The following TLN2 variants were observed in gnomAD, a reference collection of about 807,000 sequenced individuals.
TLN2 encodes the protein talin 2, also known as talin-2.
A neutral mutation model predicts 294.7 loss-of-function variants in TLN2; 118 were observed. The observed-to-expected ratio is 0.40, with a 90% CI of 0.34 to 0.47. The LOEUF (loss-of-function observed/expected upper bound fraction) is 0.47. Ranked by LOEUF, TLN2 falls within the 20% of genes least tolerant of loss-of-function variation. The pLI is 0.84. For synonymous variants in TLN2, 1,431 were observed against 1,304.5 expected (o/e 1.10, Z -2.09); for missense variants, 3,083 against 3,282.2 (o/e 0.94, Z 1.48).
At chr15:62,500,090 A>G (rs2039229281) in intron 1 of TLN2, among the ~76,000 whole-genome samples, 1 of 151,756 alleles carries the variant, frequency 6.6e-6, no homozygotes, top group Admixed American at 6.6e-5. Flanking sequence ...TAATCTCAGC[A>G]CTGTGGGAGG....
At chr15:62,763,204 G>A (rs1242554048) in intron 39 of TLN2, 3 of 169,082 alleles carry the variant, frequency 1.8e-5, no homozygotes, top group Non-Finnish European at 3.7e-5. Context: ...TGGAAGCAGT[G>A]CTGACCTTTT....
chr15:62,699,027 A>G (rs1323989399), intron 16 of TLN2, among the ~76,000 whole-genome samples, 160 bp downstream of exon 16: 1 of 152,170 alleles, frequency 6.6e-6, no homozygotes, highest in African/African-American at 2.4e-5. Flanking sequence ...AGTTGCACCC[A>G]TAGGAGGAGA....
intron 1 of TLN2, among the ~76,000 whole-genome samples, chr15:62,491,396 A>AC (rs2038720176): frequency 3.1e-5 from 4 of 127,092 alleles, no homozygotes; most frequent in Non-Finnish European, 6.5e-5. Flanking sequence ...ACACACACAC[A>AC]TTTATATAAG....
Position 62,797,237 on chromosome 15 carries a change from G to T in TLN2, c.6069G>T (p.Thr2023=). 1 of 1,613,956 alleles carries T rather than the reference G, an allele frequency of 6.2e-7. No homozygotes were observed. The highest frequency in any genetic ancestry group is 8.5e-7 in the Non-Finnish European group (1 of 1,179,998). ...CTCTCAGGGAGAACATTCTCAAGAC[G>T]GCCAAGGCCTTGGTAGAAGACACGA... is the stretch of plus-strand genomic sequence containing the variant. ...FADHRENILK[T]AKALVEDTKL... The change falls in exon 48 of 59, where the codon ACG becomes ACT. Residue 2023 remains threonine (T), a synonymous_variant. Transcript: ENST00000636159.
chr15:62,796,613 G>A (rs1181162472), intron 47 of TLN2, among the ~76,000 whole-genome samples: 1 of 152,212 alleles, frequency 6.6e-6, no homozygotes, highest in African/African-American at 2.4e-5. Flanking sequence ...ATTGGGAATG[G>A]CAGGGGCAGG....
intron 41 of TLN2, among the ~76,000 whole-genome samples, chr15:62,766,671 A>C (rs563510350): frequency 6.6e-6 from 1 of 152,326 alleles, no homozygotes; most frequent in East Asian, 1.9e-4. Flanking sequence ...GGTTGTGGCC[A>C]GAGATGTAAT....
chr15:62,474,848 C>G (rs2037696354), intron 1 of TLN2, among the ~76,000 whole-genome samples: 1 of 152,008 alleles, frequency 6.6e-6, no homozygotes, highest in Non-Finnish European at 1.5e-5. Flanking sequence ...CTGTGGGTGG[C>G]CTTGCAGCCT....
At chr15:62,728,025 C>G (rs2060529487) in intron 28 of TLN2, among the ~76,000 whole-genome samples, 1 of 152,036 alleles carries the variant, frequency 6.6e-6, no homozygotes, top group African/African-American at 2.4e-5. Flanking sequence ...AAATGGATAC[C>G]TTCATAAGGT....
At chr15:62,684,332 C>G (rs2141036191) in intron 11 of TLN2, among the ~76,000 whole-genome samples, 1 of 152,302 alleles carries the variant, frequency 6.6e-6, no homozygotes, top group African/African-American at 2.4e-5. Context: ...TTGTGCCAAC[C>G]CTGTGTGACT....
chr15:62,647,390 T>C lies in TLN2; in HGVS notation c.80T>C (p.Val27Ala), dbSNP rs775718505. The C allele has an allele frequency of 6.2e-7, 1 of 1,614,130 alleles. No homozygotes were observed. Among genetic ancestry groups the C allele is most frequent in the African/African-American group, 1.3e-5 (1 of 74,940 alleles). Residue 27 changes from valine to alanine, a missense_variant, in exon 4 of 59, where the codon GTG becomes GCG. Val to Ala is a moderately conservative substitution (Grantham distance 64, BLOSUM62 0). Coordinates refer to ENST00000636159, the MANE Select transcript of TLN2 (RefSeq NM_015059.3). ...ATGCAGTTTGAACCATCTACAGCTG[T>C]GTACGATGCGTGTCGAGTCATTCGG... ...KTMQFEPSTA[V>A]YDACRVIRER...
chr15:62,467,439 T>C (rs2037200342), intron 1 of TLN2, among the ~76,000 whole-genome samples: 1 of 152,182 alleles, frequency 6.6e-6, no homozygotes, highest in Non-Finnish European at 1.5e-5. Context: ...ACGCCTGTAA[T>C]CCCAGCACTT....
At chr15:62,479,729 G>T (rs1371466376) in intron 1 of TLN2, among the ~76,000 whole-genome samples, 1 of 152,088 alleles carries the variant, frequency 6.6e-6, no homozygotes, top group African/African-American at 2.4e-5. Flanking sequence ...CAAGTGATCC[G>T]CCTGCCTCAG....
At chr15:62,603,432 G>T (rs1323579539) in intron 2 of TLN2, among the ~76,000 whole-genome samples, 2 of 149,678 alleles carry the variant, frequency 1.3e-5, no homozygotes, top group South Asian at 4.2e-4. Flanking sequence ...TTCTGTAGTG[G>T]CATAGAGAGA....
chr15:62,470,142 CCACT>C (rs1307813212), intron 1 of TLN2, among the ~76,000 whole-genome samples: 1 of 152,218 alleles, frequency 6.6e-6, no homozygotes, highest in Non-Finnish European at 1.5e-5. Context: ...TGCCCCTTTC[CCACT>C]GAGACTGCAC....
rs1202557594 is a variant in TLN2 at position 62,752,396 on chromosome 15, C to T, written c.4301C>T (p.Ala1434Val). Reference protein sequence around the residue: ...FGECVGIASKALCGLTEAAAQ... With the variant: ...FGECVGIASKVLCGLTEAAAQ... ...GAATGTGTGGGGATTGCATCCAAGG[C>T]TCTCTGTGGGCTGACAGAGGCTGCA... is the stretch of plus-strand genomic sequence containing the variant. The change falls in exon 35 of 59, where the codon GCT (alanine) becomes GTT (valine). Residue 1434 changes from alanine (A) to valine (V), a missense_variant. Transcript: ENST00000636159. 1.2e-6 allele frequency: 2 copies of T among 1,614,046 alleles called. No individual in the cohort carries two copies. Among genetic ancestry groups the T allele is most frequent in the Admixed American group, 1.7e-5 (1 of 60,000 alleles).
At chr15:62,676,792 T>G (rs2056252220) in intron 11 of TLN2, among the ~76,000 whole-genome samples, 1 of 152,182 alleles carries the variant, frequency 6.6e-6, no homozygotes. Context: ...TTTTTTGTAT[T>G]TTAGTAGAGA....
At chr15:62,559,709 G>T (rs1181854378) in intron 1 of TLN2, among the ~76,000 whole-genome samples, 1 of 152,194 alleles carries the variant, frequency 6.6e-6, no homozygotes, top group African/African-American at 2.4e-5. Context: ...AAACAAGGAA[G>T]TTTCCTGTAT....
At chr15:62,652,155 A>G in intron 6 of TLN2, 21 bp downstream of exon 6, 1 of 1,497,522 alleles carries the variant, frequency 6.7e-7, no homozygotes, top group South Asian at 1.5e-5. Context: ...ATACACCTTC[A>G]TTATGTCTTT....
chr15:62,421,672 G>A (rs955180666), intron 1 of TLN2, among the ~76,000 whole-genome samples: 2 of 151,918 alleles, frequency 1.3e-5, no homozygotes, highest in Non-Finnish European at 2.9e-5. Flanking sequence ...GGGGCCTATT[G>A]GAGGGTAGGG....
Sources: gnomAD v4.1 joint callset for allele counts (sites outside exome capture counted in the v4.1 genomes callset) on GRCh38, gnomAD v4.1.1 for gene constraint, MANE v1.5 for transcripts, NCBI Gene and HGNC (gene_info 2026-07-23, HGNC 2026-07-21) for gene names.